The following PHIP variants were observed in gnomAD, a reference collection of about 807,000 sequenced individuals.
PHIP encodes the protein PH-interacting protein.
In PHIP, 54 loss-of-function variants were observed where a neutral mutation model predicts 236.8. The ratio of observed to expected loss-of-function variants is 0.23; its 90% CI spans 0.18 to 0.29. The LOEUF is 0.29. Among genes scored for constraint, PHIP ranks in the 10% least tolerant of loss-of-function variants. PHIP has a pLI of 1.00. For missense variants in PHIP, 1,370 were observed against 2,190.8 expected (o/e 0.63, Z 7.48); for synonymous variants, 756 against 718.9 (o/e 1.05, Z -0.83).
At chr6:78,965,667 C>T (rs112920948) in intron 29 of PHIP, 36 bp downstream of exon 29, 1 of 1,160,858 alleles carries the variant, frequency 8.6e-7, no homozygotes, top group African/African-American at 1.5e-5. Context: ...AAATTAACTC[C>T]ATAATGGAGA....
chr6:78,998,639 T>C (rs1376378337), intron 17 of PHIP, among the ~76,000 whole-genome samples: 2 of 152,126 alleles, frequency 1.3e-5, no homozygotes, highest in Admixed American at 6.6e-5. Flanking sequence ...ACTCAGATAC[T>C]CATAATCCGT....
intron 4 of PHIP, among the ~76,000 whole-genome samples, chr6:79,064,266 T>C (rs1773516601): frequency 6.6e-6 from 1 of 152,186 alleles, no homozygotes. Flanking sequence ...CCTTCCCATC[T>C]ACATGTAAAC....
chr6:79,038,146 G>A (rs1244324489), intron 7 of PHIP, among the ~76,000 whole-genome samples: 3 of 152,060 alleles, frequency 2.0e-5, no homozygotes, highest in Admixed American at 6.6e-5. Context: ...ACATTTTTTG[G>A]TCTTAGTCTG....
intron 9 of PHIP, among the ~76,000 whole-genome samples, chr6:79,023,280 T>C (rs1262119741): frequency 2.6e-5 from 4 of 152,154 alleles, no homozygotes; most frequent in Non-Finnish European, 1.5e-5. Flanking sequence ...TGAATTTCTG[T>C]AGAGACAAGA....
chr6:78,936,546 T>C lies in PHIP; in HGVS notation c.*4147A>G, dbSNP rs980696766. The C allele has an allele frequency of 1.3e-5, 2 of 151,902 alleles. No homozygotes were observed. Among genetic ancestry groups the C allele is most frequent in the Non-Finnish European group, 3.0e-5 (2 of 67,790 alleles). 9.4% of individuals were successfully genotyped at this position (151,902 alleles called of 1,614,324 possible). A position where few individuals can be genotyped will look rare whatever the true frequency, so the allele number is the denominator to read the frequency against. On this transcript the variant is annotated 3_prime_UTR_variant, in exon 40 of 40. Coordinates refer to ENST00000275034, the MANE Select transcript of PHIP (RefSeq NM_017934.7). ...CCTATTTTCTTGGCTCCTTGAATTG[T>C]AGAAACTCAGCCATGCACTAAGTAT...
chr6:79,020,283 A>G (rs1771052054), intron 9 of PHIP, among the ~76,000 whole-genome samples: 1 of 152,204 alleles, frequency 6.6e-6, no homozygotes, highest in Non-Finnish European at 1.5e-5. Flanking sequence ...ACAGAATGCA[A>G]CAAAATGTTA....
chr6:79,057,652 G>C (rs945779674), intron 6 of PHIP, among the ~76,000 whole-genome samples: 2 of 151,904 alleles, frequency 1.3e-5, no homozygotes, highest in African/African-American at 4.8e-5. Flanking sequence ...ACTGATACTT[G>C]GTAATACCAC....
At chr6:78,995,088 C>T (rs1769523600) in intron 19 of PHIP, among the ~76,000 whole-genome samples, 2 of 152,174 alleles carry the variant, frequency 1.3e-5, no homozygotes, top group South Asian at 4.1e-4. Context: ...TTCCTATACC[C>T]TTGTCATTTC....
At chr6:78,998,619 G>A (rs1286880667) in intron 17 of PHIP, among the ~76,000 whole-genome samples, 1 of 151,918 alleles carries the variant, frequency 6.6e-6, no homozygotes, top group Non-Finnish European at 1.5e-5. Flanking sequence ...TTTACTAAGT[G>A]TTTATCATGA....
At chr6:79,029,553 A>T (rs1771564929) in intron 7 of PHIP, among the ~76,000 whole-genome samples, 1 of 152,146 alleles carries the variant, frequency 6.6e-6, no homozygotes, top group Admixed American at 6.5e-5. Context: ...TTACTTTGAG[A>T]CAGTCTTGCT....
intron 24 of PHIP, among the ~76,000 whole-genome samples, chr6:78,973,725 A>T (rs925575810): frequency 6.6e-6 from 1 of 151,992 alleles, no homozygotes; most frequent in African/African-American, 2.4e-5. Flanking sequence ...AGGGGTTGCA[A>T]TCCTAGTCTG....
At chr6:78,953,005 A>G (rs1054863868) in intron 35 of PHIP, among the ~76,000 whole-genome samples, 1 of 151,720 alleles carries the variant, frequency 6.6e-6, no homozygotes, top group Admixed American at 6.6e-5. Context: ...TGTTTCTGTT[A>G]TCTTATTATG....
chr6:79,077,081 C>T (rs1370672386), intron 4 of PHIP, among the ~76,000 whole-genome samples: 1 of 152,086 alleles, frequency 6.6e-6, no homozygotes, highest in African/African-American at 2.4e-5. Context: ...AACGAGCGAG[C>T]GCGCTCTCCC....
intron 35 of PHIP, 84 bp downstream of exon 35, chr6:78,954,727 CATA>C: frequency 1.3e-6 from 1 of 799,562 alleles, no homozygotes; most frequent in South Asian, 1.8e-5. Context: ...AAACTATAAT[CATA>C]AAAAGTAACT....
At position 78,978,573 on chromosome 6, in the gene PHIP, T is replaced by C; in HGVS notation, c.2889+19A>G. The C allele has an allele frequency of 6.4e-7, 1 of 1,557,522 alleles. No individual in the cohort carries two copies. The highest frequency in any genetic ancestry group is 2.3e-5 in the East Asian group (1 of 44,178). On this transcript the variant is annotated intron_variant, in intron 24 of 39. Coordinates refer to ENST00000275034, the MANE Select transcript of PHIP (RefSeq NM_017934.7). ...AAACTATGTGAGGAAAAATGGATAA[T>C]TTAAAACTTTTAAAGTACCTCATCA...
At chr6:78,982,287 C>T (rs144576498) in intron 23 of PHIP, among the ~76,000 whole-genome samples, 22 of 152,144 alleles carry the variant, frequency 1.4e-4, no homozygotes, top group African/African-American at 3.1e-4. Flanking sequence ...ATATTTCTTA[C>T]GTTCTCTGCT....
chr6:78,998,717 G>A (rs962965620), intron 17 of PHIP, among the ~76,000 whole-genome samples: 3 of 152,052 alleles, frequency 2.0e-5, no homozygotes, highest in African/African-American at 7.2e-5. Context: ...ATAACTGTTC[G>A]AAGTCACATA....
chr6:78,981,497 T>G (rs1444176161), intron 23 of PHIP, among the ~76,000 whole-genome samples: 1 of 151,982 alleles, frequency 6.6e-6, no homozygotes. Context: ...CAATACTTTG[T>G]TGCAACAACA....
intron 6 of PHIP, among the ~76,000 whole-genome samples, chr6:79,051,891 T>C (rs1018895338): frequency 2.0e-5 from 3 of 152,044 alleles, no homozygotes; most frequent in Non-Finnish European, 4.4e-5. Context: ...TTTATTTTTC[T>C]TTTAAATAAA....
Sources: allele counts gnomAD v4.1 joint callset (sites outside exome capture counted in the v4.1 genomes callset), GRCh38; gene constraint gnomAD v4.1.1; transcripts MANE v1.5; gene names NCBI Gene and HGNC (gene_info 2026-07-23, HGNC 2026-07-21).